The following GPN1 variants were observed in gnomAD, a reference collection of about 807,000 sequenced individuals.
GPN1 encodes ATP(GTP)-binding protein.
GPN1 carries 44 observed loss-of-function variants against 55.9 expected under a neutral mutation model. The ratio of observed to expected loss-of-function variants is 0.79; its 90% confidence interval spans 0.62 to 1.01. GPN1 has a LOEUF of 1.01. GPN1 is among the 50% of genes least tolerant of loss of function. The pLI is 0.00. For missense variants in GPN1, 466 were observed against 462.8 expected (o/e 1.01, Z -0.06); for synonymous variants, 179 against 162.5 (o/e 1.10, Z -0.77).
intron 12 of GPN1, 98 bp from the exon 13 acceptor site, chr2:27,647,738 T>C (rs553433546): frequency 1.1e-5 from 8 of 706,618 alleles, no homozygotes; most frequent in Non-Finnish European, 2.1e-5. Flanking sequence ...ATATGTATCA[T>C]GAGCACTTTC....
At chr2:27,629,816 C>A (rs773814147) in intron 1 of GPN1, 43 bp from the exon 2 acceptor site, 1 of 1,027,646 alleles carries the variant, frequency 9.7e-7, no homozygotes. Context: ...TCTCTCTTGT[C>A]CCCTCTTTGT....
chr2:27,650,170 G>A lies in GPN1; in HGVS notation c.1095G>A (p.Met365Ile), dbSNP rs377281945. The stretch of plus-strand genomic sequence containing the variant: ...TCCAGAATTTTATGCAAGAATCGAT[G>A]GCACAATACTGGAAGAGAAACAATA... ...PAFQNFMQESMAQYWKRNNK is the reference protein window; with the variant it reads ...PAFQNFMQESIAQYWKRNNK Residue 365 changes from methionine to isoleucine, a missense_variant, in exon 14 of 14, where the codon ATG becomes ATA. By Grantham distance (10) the Met-to-Ile change is conservative. Transcript: ENST00000610189. 73 of 1,602,464 alleles carry A rather than the reference G, an allele frequency of 4.6e-5. No individual in the cohort carries two copies. Among genetic ancestry groups the A allele is most frequent in the Non-Finnish European group, 6.1e-5 (71 of 1,169,686 alleles).
At chr2:27,633,923 C>A (rs1260873486) in intron 5 of GPN1, among the ~76,000 whole-genome samples, 1 of 151,548 alleles carries the variant, frequency 6.6e-6, no homozygotes, top group Non-Finnish European at 1.5e-5. Context: ...TTTTTGTCAT[C>A]CTGAAAAGAA....
chr2:27,629,098 G>A lies in GPN1; in HGVS notation c.40G>A (p.Gly14Arg), dbSNP rs146371804. The A allele has an allele frequency of 1.2e-5, 20 of 1,614,130 alleles. No individual in the cohort carries two copies. The highest frequency in any genetic ancestry group is 2.7e-5 in the African/African-American group (2 of 74,956). The change falls in exon 1 of 14, where the codon GGG (glycine) becomes AGG (arginine). Residue 14 changes from glycine to arginine, a missense_variant. Transcript: ENST00000610189. The part of the protein sequence containing the change: ...SAAAAELQAS[G>R]GPRHPVCLLV... ...AGCTGCCGCTGAGCTCCAGGCTTCTGGGGGTCCGCGGCACCCAGTGTGTCT... is the reference window on the plus strand; with the variant it reads ...AGCTGCCGCTGAGCTCCAGGCTTCTAGGGGTCCGCGGCACCCAGTGTGTCT...
chr2:27,639,627 C>A (rs1376653841), intron 9 of GPN1, among the ~76,000 whole-genome samples: 1 of 152,032 alleles, frequency 6.6e-6, no homozygotes, highest in Non-Finnish European at 1.5e-5. Flanking sequence ...TCAAGGGATC[C>A]TCCTGCCTCA....
chr2:27,628,336 T>C, upstream of GPN1: 1 of 1,458,004 alleles, frequency 6.9e-7, no homozygotes, highest in Non-Finnish European at 9.1e-7. Flanking sequence ...CTTTCCTGAG[T>C]TTCTGAGGGA....
chr2:27,636,429 T>C (rs1673733544), intron 7 of GPN1, among the ~76,000 whole-genome samples: 1 of 152,218 alleles, frequency 6.6e-6, no homozygotes, highest in South Asian at 2.1e-4. Context: ...CAAGAAATTG[T>C]GATCCAAATA....
chr2:27,650,046 T>A (rs990089229), intron 13 of GPN1, 69 bp from the exon 14 acceptor site: 1 of 848,252 alleles, frequency 1.2e-6, no homozygotes, highest in Non-Finnish European at 2.0e-6. Flanking sequence ...TTCTGATGGA[T>A]GGGTGACGGG....
rs1047962128 is a variant in GPN1 at position 27,629,458 on chromosome 2, C to T, written c.111+289C>T. 89 of 1,482,290 alleles carry T rather than the reference C, an allele frequency of 6.0e-5. No homozygotes were observed. The Middle Eastern group carries it at 8.5e-4, about 14-fold the overall frequency. The allele number at this position is 1,482,290 out of a possible 1,614,324, so 91.8% of individuals were successfully genotyped here. On this transcript the variant is annotated intron_variant, in intron 1 of 13. Coordinates refer to ENST00000610189, the MANE Select transcript of GPN1 (RefSeq NM_007266.4). The stretch of plus-strand genomic sequence containing the variant: ...TTTCTCGGAGGCAAGTTACAAGTAA[C>T]TTTAAAGATTAATACAGTGCTAGCA...
intron 7 of GPN1, among the ~76,000 whole-genome samples, chr2:27,636,966 A>G (rs1170076630): frequency 6.6e-6 from 1 of 152,068 alleles, no homozygotes; most frequent in Non-Finnish European, 1.5e-5. Flanking sequence ...TACAGGCATG[A>G]GTCACACCCC....
Position 27,638,886 on chromosome 2 carries a change from C to G in GPN1, c.572C>G (p.Thr191Ser), listed in dbSNP as rs769101606. ...ATAATTGACTTCTCTCTGGTACAGA[C>G]TGACATCATTGACCACAGCTTTGCA... ...KLPFIVVMNK[T>S]DIIDHSFAVE... The change falls in exon 9 of 14, where the codon ACT becomes AGT. Residue 191 changes from threonine to serine, a missense_variant and splice_region_variant. Coordinates refer to ENST00000610189, the MANE Select transcript of GPN1 (RefSeq NM_007266.4). 7.4e-6 allele frequency: 12 copies of G among 1,611,216 alleles called. No homozygotes were observed. The highest frequency in any genetic ancestry group is 1.0e-5 in the Non-Finnish European group (12 of 1,178,950).
In GPN1 at chr2:27,634,650, G is replaced by A. The variant is rs1528402; in HGVS notation, c.351-196G>A. Among the ~76,000 whole-genome samples the A allele has an allele frequency of 0.54, 81,369 of 152,016 alleles. 22,280 individuals are homozygous for A. Among genetic ancestry groups the A allele is most frequent in the East Asian group, 0.88 (4,585 of 5,184 alleles). ...TCATGGTCTGCTGTTCCTGCCCATT[G>A]GCGTGAATATTGGTCATTGAACAAA... is the stretch of plus-strand genomic sequence containing the variant. On this transcript the variant is annotated intron_variant, in intron 5 of 13. Coordinates refer to ENST00000610189, the MANE Select transcript of GPN1 (RefSeq NM_007266.4).
At chr2:27,647,414 CCTT>C (rs1421706534) in intron 12 of GPN1, among the ~76,000 whole-genome samples, 1 of 152,168 alleles carries the variant, frequency 6.6e-6, no homozygotes, top group East Asian at 1.9e-4. Flanking sequence ...TTTCTGCAGA[CCTT>C]CTCTGAACTT....
intron 12 of GPN1, among the ~76,000 whole-genome samples, chr2:27,642,876 T>A (rs12472833): frequency 1.3e-5 from 2 of 151,692 alleles, no homozygotes; most frequent in African/African-American, 2.4e-5. Flanking sequence ...GTTACACTTA[T>A]TTCTATCAGC....
chr2:27,632,656 C>T lies in GPN1; in HGVS notation c.336C>T (p.Ala112=). 6.3e-7 allele frequency: 1 copy of T among 1,599,284 alleles called. No homozygotes were observed. ...AGGTGATGAAATTTATTGAGAAGGC[C>T]CAGAACATGTCCAAGTAAGTGATGT... ...FDQVMKFIEK[A]QNMSKYVLID... Residue 112 remains alanine (A), a synonymous_variant, in exon 5 of 14, where the codon GCC becomes GCT. Transcript: ENST00000610189.
Position 27,629,119 on chromosome 2 carries a change from T to G in GPN1, c.61T>G (p.Cys21Gly), listed in dbSNP as rs139936437. Reference sequence around the variant, plus strand: ...TTCTGGGGGTCCGCGGCACCCAGTGTGTCTGTTGGTGTTGGGAATGGCGGG... The same window carrying G: ...TTCTGGGGGTCCGCGGCACCCAGTGGGTCTGTTGGTGTTGGGAATGGCGGG... ...QASGGPRHPV[C>G]LLVLGMAGSG... The change falls in exon 1 of 14, where the codon TGT becomes GGT. Residue 21 changes from cysteine to glycine, a missense_variant. By Grantham distance (159) the Cys-to-Gly change is radical. Coordinates refer to ENST00000610189, the MANE Select transcript of GPN1 (RefSeq NM_007266.4). 1.0e-4 allele frequency: 165 copies of G among 1,614,034 alleles called. No homozygotes were observed. The highest frequency in any genetic ancestry group is 1.4e-4 in the Non-Finnish European group (160 of 1,180,024).
At chr2:27,644,673 GATTT>G (rs940323181) in intron 12 of GPN1, among the ~76,000 whole-genome samples, 12 of 137,512 alleles carry the variant, frequency 8.7e-5, no homozygotes, top group Non-Finnish European at 4.7e-5. Flanking sequence ...GTATCTGTAT[GATTT>G]ATTTAAAAGT....
chr2:27,641,099 C>A, intron 10 of GPN1, 141 bp from the exon 11 acceptor site: 1 of 623,450 alleles, frequency 1.6e-6, no homozygotes, highest in Non-Finnish European at 2.8e-6. Context: ...CTGTCAGTGA[C>A]TAAGATTTGT....
intron 12 of GPN1, among the ~76,000 whole-genome samples, chr2:27,645,770 C>T (rs1674197835): frequency 6.6e-6 from 1 of 151,974 alleles, no homozygotes; most frequent in East Asian, 1.9e-4. Flanking sequence ...TGCTCTGTCA[C>T]CCCAACTGGA....
Sources: gnomAD v4.1 joint callset for allele counts (sites outside exome capture counted in the v4.1 genomes callset) on GRCh38, gnomAD v4.1.1 for gene constraint, MANE v1.5 for transcripts, NCBI Gene and HGNC (gene_info 2026-07-23, HGNC 2026-07-21) for gene names.